MYO1B: variants seen among roughly 807,000 people sequenced by gnomAD.
MYO1B encodes unconventional myosin-Ib.
A neutral mutation model predicts 159.7 loss-of-function variants in MYO1B; 72 were observed. The observed-to-expected ratio is 0.45, with a 90% CI of 0.37 to 0.55. MYO1B has a LOEUF of 0.55. MYO1B is among the 20% of genes least tolerant of loss of function. MYO1B has a pLI of 0.00. For synonymous variants in MYO1B, 468 were observed against 473.8 expected (o/e 0.99, Z 0.16); for missense variants, 1,062 against 1,364.8 (o/e 0.78, Z 3.50).
intron 1 of MYO1B, among the ~76,000 whole-genome samples, chr2:191,246,858 A>G (rs1273923272): frequency 6.6e-6 from 1 of 152,170 alleles, no homozygotes; most frequent in South Asian, 2.1e-4. Context: ...CACACCACAC[A>G]CACCAGCGTT....
intron 4 of MYO1B, among the ~76,000 whole-genome samples, chr2:191,333,421 ACAC>A (rs1691621366): frequency 6.6e-6 from 1 of 152,204 alleles, no homozygotes; most frequent in Non-Finnish European, 1.5e-5. Context: ...CCTAGTTATC[ACAC>A]TAGAAATGTT....
intron 4 of MYO1B, among the ~76,000 whole-genome samples, chr2:191,340,251 C>A (rs1692125607): frequency 6.6e-6 from 1 of 151,938 alleles, no homozygotes; most frequent in African/African-American, 2.4e-5. Flanking sequence ...CATTCTAGAT[C>A]CTTTTTTAGA....
intron 13 of MYO1B, among the ~76,000 whole-genome samples, chr2:191,373,955 A>G (rs1403279370): frequency 6.6e-6 from 1 of 152,076 alleles, no homozygotes; most frequent in East Asian, 1.9e-4. Context: ...TTGATTTTTA[A>G]TAACTTTTTT....
In MYO1B at chr2:191,399,824, C is replaced by T. The variant is rs527732352; in HGVS notation, c.2296-558C>T. ...GCCTCATGGCTGGACCTTGGGGCCC[C>T]GTTTATAGGCGAGAGACCTTAGAGG... On this transcript the variant is annotated intron_variant, in intron 21 of 30. Coordinates refer to ENST00000392318, the MANE Select transcript of MYO1B (RefSeq NM_001130158.3). Among the ~76,000 whole-genome samples the T allele has an allele frequency of 1.2e-4, 18 of 152,296 alleles. No homozygotes were observed. In the East Asian group the frequency reaches 1.4e-3, roughly 11 times the overall value.
chr2:191,414,383 T>C, intron 28 of MYO1B, 134 bp from the exon 29 acceptor site: 1 of 1,039,294 alleles, frequency 9.6e-7, no homozygotes, highest in South Asian at 1.9e-5. Flanking sequence ...TTTATGTTCT[T>C]TACTGCGTTC....
At chr2:191,402,740 T>G in intron 24 of MYO1B, 22 bp downstream of exon 24, 1 of 1,596,082 alleles carries the variant, frequency 6.3e-7, no homozygotes, top group African/African-American at 1.3e-5. Flanking sequence ...ACCACTTGTT[T>G]CTGTCCAGGG....
chr2:191,250,888 T>C (rs1190437809), intron 1 of MYO1B, among the ~76,000 whole-genome samples: 1 of 152,164 alleles, frequency 6.6e-6, no homozygotes, highest in Non-Finnish European at 1.5e-5. Context: ...GGTGAGTACT[T>C]TGATGCTTTG....
chr2:191,309,683 T>C (rs1393625889), intron 3 of MYO1B, among the ~76,000 whole-genome samples: 1 of 152,168 alleles, frequency 6.6e-6, no homozygotes, highest in Non-Finnish European at 1.5e-5. Flanking sequence ...TCAGCATCAC[T>C]CTTGTACCAT....
chr2:191,249,402 C>T (rs1264547966), intron 1 of MYO1B, among the ~76,000 whole-genome samples: 1 of 152,182 alleles, frequency 6.6e-6, no homozygotes, highest in Non-Finnish European at 1.5e-5. Flanking sequence ...TTTACAGTAT[C>T]CTCTGAGATC....
chr2:191,344,357 A>T (rs1692420370), intron 5 of MYO1B, among the ~76,000 whole-genome samples: 2 of 152,180 alleles, frequency 1.3e-5, no homozygotes, highest in African/African-American at 4.8e-5. Flanking sequence ...GAATATTTTT[A>T]GGTGCAAATT....
At chr2:191,377,764 G>A (rs1025620772) in intron 13 of MYO1B, 4 of 152,220 alleles carry the variant, frequency 2.6e-5, no homozygotes, top group African/African-American at 9.6e-5. Context: ...ATTTTTGAAA[G>A]TTTTTAATCA....
At chr2:191,282,510 C>G (rs1320223509) in intron 2 of MYO1B, among the ~76,000 whole-genome samples, 2 of 151,886 alleles carry the variant, frequency 1.3e-5, no homozygotes, top group Non-Finnish European at 2.9e-5. Context: ...TACAAAATAA[C>G]AAATGCTTTT....
chr2:191,303,324 T>C (rs1689449803), intron 3 of MYO1B, among the ~76,000 whole-genome samples: 1 of 152,190 alleles, frequency 6.6e-6, no homozygotes, highest in African/African-American at 2.4e-5. Flanking sequence ...AGGGTGTGTG[T>C]GCGTGTGTGT....
chr2:191,324,542 C>T (rs1690931170), intron 3 of MYO1B, among the ~76,000 whole-genome samples: 1 of 152,116 alleles, frequency 6.6e-6, no homozygotes, highest in Non-Finnish European at 1.5e-5. Context: ...CCATCTCCTC[C>T]CAGTCCCATC....
At chr2:191,316,346 A>G (rs573339581) in intron 3 of MYO1B, among the ~76,000 whole-genome samples, 3 of 152,366 alleles carry the variant, frequency 2.0e-5, no homozygotes, top group Non-Finnish European at 4.4e-5. Flanking sequence ...ATTAGGGGCC[A>G]TAAGTCATAT....
At chr2:191,248,872 C>T (rs1001495060) in intron 1 of MYO1B, among the ~76,000 whole-genome samples, 8 of 152,218 alleles carry the variant, frequency 5.3e-5, no homozygotes, top group African/African-American at 1.2e-4. Flanking sequence ...ATTACTTTCA[C>T]GTCTATTATT....
In MYO1B at chr2:191,416,120, A is replaced by T. The variant is rs1697547523; in HGVS notation, c.3165A>T (p.Ser1055=). ...CTCTTGGTTTGTCCTTGCAGGGCTC[A>T]GAAGCAGCTAGTAAAGGAGACTTTC... The part of the protein sequence containing the change: ...GFFAVHLKEG[S]EAASKGDFLF... Residue 1055 remains serine, a synonymous_variant, in exon 30 of 31, where the codon TCA becomes TCT. Transcript: ENST00000392318. 2 of 1,614,022 alleles carry T rather than the reference A, an allele frequency of 1.2e-6. No homozygotes were observed. Among genetic ancestry groups the T allele is most frequent in the African/African-American group, 1.3e-5 (1 of 75,038 alleles).
chr2:191,315,991 A>G (rs950281462), intron 3 of MYO1B, among the ~76,000 whole-genome samples: 4 of 152,232 alleles, frequency 2.6e-5, no homozygotes, highest in African/African-American at 4.8e-5. Flanking sequence ...CCATAGGTAC[A>G]AGTGCTGAGC....
intron 2 of MYO1B, among the ~76,000 whole-genome samples, chr2:191,288,352 C>A (rs1269913044): frequency 1.3e-5 from 2 of 152,064 alleles, no homozygotes; most frequent in Non-Finnish European, 2.9e-5. Flanking sequence ...CCAAATCATG[C>A]CCATCTTTTT....
Sources: allele counts gnomAD v4.1 joint callset (sites outside exome capture counted in the v4.1 genomes callset), GRCh38; gene constraint gnomAD v4.1.1; transcripts MANE v1.5; gene names NCBI Gene and HGNC (gene_info 2026-07-23, HGNC 2026-07-21).